The following PTPRN2 variants were observed in gnomAD, a reference collection of about 807,000 sequenced individuals.
The protein encoded by PTPRN2 is receptor-type tyrosine-protein phosphatase N2.
In PTPRN2, 74 loss-of-function variants were observed where a neutral mutation model predicts 118.8. The ratio of observed to expected loss-of-function variants is 0.62; its 90% CI spans 0.52 to 0.76. The LOEUF (loss-of-function observed/expected upper bound fraction) is 0.76, where lower values mean the gene tolerates loss of function less well. Ranked by LOEUF, PTPRN2 falls within the 30% of genes least tolerant of loss-of-function variation. PTPRN2 has a pLI of 0.00. For synonymous variants in PTPRN2, 641 were observed against 608.0 expected, an observed-to-expected ratio of 1.05 and a Z score of -0.80; for missense variants, 1,481 against 1,394.4, an observed-to-expected ratio of 1.06 and a Z score of -0.99.
rs538458006 is a variant in PTPRN2 at position 157,844,080 on chromosome 7, G to A, written c.1788+54593C>T. 6.0e-5 allele frequency among the ~76,000 whole-genome samples: 9 copies of A among 151,174 alleles called. 1 individual carries two copies. In the East Asian group the frequency reaches 1.6e-3, roughly 26 times the overall value. ...TGTGGAACGCAGGCCCCTCCACGTC[G>A]TGGATGTGGAACGCAGGCCCCTCCA... On this transcript the variant is annotated intron_variant, in intron 12 of 22. Transcript: ENST00000389418.
intron 2 of PTPRN2, among the ~76,000 whole-genome samples, chr7:158,441,799 C>G (rs372093936): frequency 0.021 from 484 of 22,566 alleles, no homozygotes; most frequent in African/African-American, 0.038. Context: ...TAGTGATGGT[C>G]ATGGCAGTGG....
At chr7:158,327,372 CACA>C (rs1563143730) in intron 2 of PTPRN2, among the ~76,000 whole-genome samples, 1 of 126,774 alleles carries the variant, frequency 7.9e-6, no homozygotes, top group Non-Finnish European at 1.7e-5. Context: ...TTGTCACACA[CACA>C]TTATCACATG....
At chr7:158,344,388 G>A (rs1807330202) in intron 2 of PTPRN2, among the ~76,000 whole-genome samples, 1 of 152,194 alleles carries the variant, frequency 6.6e-6, no homozygotes, top group South Asian at 2.1e-4. Flanking sequence ...GGCAAGGGAG[G>A]CTGTTTCAAG....
At chr7:158,319,458 A>G (rs1586239806) in intron 2 of PTPRN2, among the ~76,000 whole-genome samples, 3 of 84,180 alleles carry the variant, frequency 3.6e-5, no homozygotes, top group South Asian at 4.3e-4. Context: ...ACACGCACAC[A>G]GCCTCCCTCA....
intron 12 of PTPRN2, among the ~76,000 whole-genome samples, chr7:157,839,020 C>T (rs1164011082): frequency 6.6e-6 from 1 of 151,584 alleles, no homozygotes; most frequent in Non-Finnish European, 1.5e-5. Flanking sequence ...CAGTTCCTCT[C>T]GTAGTGGATG....
At chr7:158,224,256 A>C (rs1828586267) in intron 3 of PTPRN2, among the ~76,000 whole-genome samples, 1 of 152,210 alleles carries the variant, frequency 6.6e-6, no homozygotes, top group Non-Finnish European at 1.5e-5. Context: ...CAGAAAAGCA[A>C]GTTATATGGA....
At chr7:158,077,484 G>A (rs960259496) in intron 11 of PTPRN2, among the ~76,000 whole-genome samples, 1 of 151,834 alleles carries the variant, frequency 6.6e-6, no homozygotes, top group Non-Finnish European at 1.5e-5. Context: ...GGTCAAAGGG[G>A]GAAACTGCTC....
At chr7:158,037,880 C>T (rs974652386) in intron 11 of PTPRN2, among the ~76,000 whole-genome samples, 2 of 152,224 alleles carry the variant, frequency 1.3e-5, no homozygotes, top group African/African-American at 2.4e-5. Context: ...ACGATTGAGA[C>T]ACCAAGTGTC....
In PTPRN2 at chr7:158,430,637, G is replaced by A. The variant is rs1239395619; in HGVS notation, c.163+59098C>T. Among the ~76,000 whole-genome samples the A allele has an allele frequency of 2.6e-5, 4 of 152,256 alleles. No homozygotes were observed. In the East Asian group the frequency reaches 5.8e-4, roughly 22 times the overall value. On this transcript the variant is annotated intron_variant, in intron 2 of 22. Coordinates refer to ENST00000389418, the MANE Select transcript of PTPRN2 (RefSeq NM_002847.5). Reference sequence around the variant, plus strand: ...CCACCACAAGAGACGCAGCATGGCTGCGGGACCAGTGAAGCCATAAAGCCC... The same window carrying A: ...CCACCACAAGAGACGCAGCATGGCTACGGGACCAGTGAAGCCATAAAGCCC...
chr7:158,150,980 T>A (rs867994180), intron 6 of PTPRN2, among the ~76,000 whole-genome samples: 3 of 151,824 alleles, frequency 2.0e-5, no homozygotes, highest in South Asian at 2.1e-4. Context: ...CAGCAATGTC[T>A]GTTCCTCTCA....
At chr7:157,646,724 T>C (rs897938015) in intron 14 of PTPRN2, among the ~76,000 whole-genome samples, 2 of 152,158 alleles carry the variant, frequency 1.3e-5, no homozygotes, top group African/African-American at 2.4e-5. Flanking sequence ...CTTGGGTGGC[T>C]GCATGGACAC....
intron 10 of PTPRN2, among the ~76,000 whole-genome samples, chr7:158,097,233 G>A (rs12698139): frequency 0.92 from 140,359 of 152,022 alleles, 65,202 homozygotes; most frequent in Non-Finnish European, 0.97. Flanking sequence ...AGAGGGGCAG[G>A]CACTGGGGAA....
chr7:157,999,775 T>C (rs1805073837), intron 11 of PTPRN2, among the ~76,000 whole-genome samples: 1 of 152,188 alleles, frequency 6.6e-6, no homozygotes, highest in Non-Finnish European at 1.5e-5. Context: ...TCTCAGCCAC[T>C]CAAAGGTGGG....
intron 3 of PTPRN2, among the ~76,000 whole-genome samples, chr7:158,279,637 C>T (rs534023695): frequency 9.9e-5 from 15 of 152,272 alleles, no homozygotes; most frequent in African/African-American, 1.9e-4. Context: ...GTGCCAGGCC[C>T]GCTAAGCCCG....
In PTPRN2 at chr7:158,127,290, C is replaced by T. The variant is rs78068415; in HGVS notation, c.1556+6387G>A. ...TGCTCATCCGTGCACCTGTGCCCTGCGTCCTCCTCTGCGTGCACCCTGCGT... is the reference window on the plus strand; with the variant it reads ...TGCTCATCCGTGCACCTGTGCCCTGTGTCCTCCTCTGCGTGCACCCTGCGT... On this transcript the variant is annotated intron_variant, in intron 9 of 22. Coordinates refer to ENST00000389418, the MANE Select transcript of PTPRN2 (RefSeq NM_002847.5). 7.3e-3 allele frequency among the ~76,000 whole-genome samples: 1,103 copies of T among 151,350 alleles called. 21 individuals carry two copies. Among genetic ancestry groups the T allele is most frequent in the African/African-American group, 0.025 (1,036 of 40,808 alleles).
chr7:157,574,685 G>A (rs1278062064), intron 19 of PTPRN2, among the ~76,000 whole-genome samples: 2 of 152,248 alleles, frequency 1.3e-5, no homozygotes, highest in Admixed American at 6.5e-5. Context: ...AGAACGCGTC[G>A]TCTATTGTTC....
At chr7:158,361,808 G>A (rs753719770) in intron 2 of PTPRN2, among the ~76,000 whole-genome samples, 4 of 152,156 alleles carry the variant, frequency 2.6e-5, no homozygotes, top group Non-Finnish European at 5.9e-5. Context: ...CACCACAGAT[G>A]GTCTGGCTGG....
chr7:158,472,051 G>A (rs1048407786), intron 2 of PTPRN2, among the ~76,000 whole-genome samples: 1 of 152,284 alleles, frequency 6.6e-6, no homozygotes, highest in Admixed American at 6.5e-5. Flanking sequence ...TTCCCACCAC[G>A]GTTCCTGCAG....
At chr7:157,791,560 C>G (rs1004714940) in intron 12 of PTPRN2, among the ~76,000 whole-genome samples, 2 of 148,736 alleles carry the variant, frequency 1.3e-5, no homozygotes, top group Non-Finnish European at 3.0e-5. Flanking sequence ...CCTGCCCCCC[C>G]TCCCTGCACC....
Sources: gnomAD v4.1 joint callset for allele counts (sites outside exome capture counted in the v4.1 genomes callset) on GRCh38, gnomAD v4.1.1 for gene constraint, MANE v1.5 for transcripts, NCBI Gene and HGNC (gene_info 2026-07-23, HGNC 2026-07-21) for gene names.